MACF1: variants seen among roughly 807,000 people sequenced by gnomAD.
MACF1 encodes microtubule-actin cross-linking factor 1.
MACF1 carries 193 observed loss-of-function variants against 854.8 expected under a neutral mutation model. The observed-to-expected ratio is 0.23, with a 90% CI of 0.20 to 0.25. MACF1 has a LOEUF of 0.25. Ranked by LOEUF, MACF1 falls within the 10% of genes least tolerant of loss-of-function variation. The pLI is 1.00. For missense variants in MACF1, 7,722 were observed against 8,929.1 expected (o/e 0.86, Z 5.45); for synonymous variants, 3,185 against 3,226.7 (o/e 0.99, Z 0.44).
At position 39,487,041 on chromosome 1, in the gene MACF1, C is replaced by G. The variant is rs1265056629; in HGVS notation, c.*1247C>G. 6.6e-6 allele frequency: 1 copy of G among 152,446 alleles called. No homozygotes were observed. Among genetic ancestry groups the G allele is most frequent in the Non-Finnish European group, 1.5e-5 (1 of 68,052 alleles). 9.4% of individuals were successfully genotyped at this position (152,446 alleles called of 1,614,324 possible). A position where few individuals can be genotyped will look rare whatever the true frequency, so the allele number is the denominator to read the frequency against. ...TATTACCTTATCTATAAATGTTACC[C>G]TGGGGTATAATCATGTTGTAGGTAC... is the stretch of plus-strand genomic sequence containing the variant. On this transcript the variant is annotated 3_prime_UTR_variant, in exon 101 of 101. Coordinates refer to ENST00000564288, the MANE Select transcript of MACF1 (RefSeq NM_001394062.1).
chr1:39,406,145 G>C (rs767337560), intron 58 of MACF1, among the ~76,000 whole-genome samples: 1 of 152,184 alleles, frequency 6.6e-6, no homozygotes, highest in Non-Finnish European at 1.5e-5. Flanking sequence ...TTTTGGAGGT[G>C]CGGTGGGAGG....
chr1:39,260,345 A>T (rs1379442503), intron 6 of MACF1: 1 of 149,188 alleles, frequency 6.7e-6, no homozygotes. Context: ...TAGGTTGCCC[A>T]TTATTTCTTT....
Position 39,295,824 on chromosome 1 carries a change from T to C in MACF1, c.2297T>C (p.Met766Thr). The C allele has an allele frequency of 6.2e-7, 1 of 1,614,134 alleles. No individual in the cohort carries two copies. Among genetic ancestry groups the C allele is most frequent in the Non-Finnish European group, 8.5e-7 (1 of 1,180,002 alleles). Residue 766 changes from methionine (M) to threonine (T), a missense_variant, in exon 20 of 101, where the codon ATG becomes ACG. Physicochemically the swap from Met to Thr is moderately conservative, Grantham distance 81. Coordinates refer to ENST00000564288, the MANE Select transcript of MACF1 (RefSeq NM_001394062.1). Reference sequence around the variant, plus strand: ...GCTGTCCAGTCCCAGTTGCAGTGGATGAAGCAGCTGTGCCTGTGTGTTGAG... The same window carrying C: ...GCTGTCCAGTCCCAGTTGCAGTGGACGAAGCAGCTGTGCCTGTGTGTTGAG... Reference protein sequence around the residue: ...SAAVQSQLQWMKQLCLCVEQH... With the variant: ...SAAVQSQLQWTKQLCLCVEQH...
intron 6 of MACF1, chr1:39,268,342 T>G: frequency 1.7e-6 from 1 of 576,016 alleles, no homozygotes; most frequent in Non-Finnish European, 2.2e-6. Context: ...TCTAGCTCCT[T>G]TTTGCTTTCT....
chr1:39,434,923 T>G (rs944850054), intron 69 of MACF1, among the ~76,000 whole-genome samples: 3 of 152,196 alleles, frequency 2.0e-5, no homozygotes, highest in African/African-American at 7.2e-5. Flanking sequence ...TAATAGGGTG[T>G]TGTTACACTC....
intron 50 of MACF1, among the ~76,000 whole-genome samples, chr1:39,369,276 G>A (rs1569749089): frequency 6.6e-6 from 1 of 152,164 alleles, no homozygotes; most frequent in South Asian, 2.1e-4. Flanking sequence ...TCACTGGACA[G>A]CCTCACATAG....
chr1:39,432,942 T>C, intron 67 of MACF1, 106 bp from the exon 68 acceptor site: 1 of 720,606 alleles, frequency 1.4e-6, no homozygotes, highest in South Asian at 2.2e-5. Context: ...TGTCAAACTG[T>C]ATAAGAACAA....
In MACF1 at chr1:39,084,305, G is replaced by A. The variant is rs768222655; in HGVS notation, c.87G>A (p.Glu29=). The A allele has an allele frequency of 6.2e-7, 1 of 1,614,056 alleles. No homozygotes were observed. The highest frequency in any genetic ancestry group is 1.7e-5 in the Admixed American group (1 of 60,018). Residue 29 remains glutamate, a synonymous_variant, in exon 2 of 94, where the codon GAG becomes GAA. Transcript: ENST00000361689. The surrounding 1 kb of genome is among the most constrained non-coding windows in gnomAD (Gnocchi z 5.2). ...GGAGTGAGCGATCTTACAGGAGCGAGCGGTCGGGGAGCCTGTCTCCCTGTC... is the reference window on the plus strand; with the variant it reads ...GGAGTGAGCGATCTTACAGGAGCGAACGGTCGGGGAGCCTGTCTCCCTGTC...
At position 39,337,327 on chromosome 1, in the gene MACF1, C is replaced by T. The variant is rs1462949969; in HGVS notation, c.10211C>T (p.Ala3404Val). The change falls in exon 38 of 101, where the codon GCC (alanine) becomes GTC (valine). Residue 3404 changes from alanine to valine, a missense_variant. By Grantham distance (64) the Ala-to-Val change is moderately conservative. Coordinates refer to ENST00000564288, the MANE Select transcript of MACF1 (RefSeq NM_001394062.1). ...GAACTACAGGATCTGCTGTGTCAGGCCAAGGTAGGTTCCCAGAGACTTCCA... is the reference window on the plus strand; with the variant it reads ...GAACTACAGGATCTGCTGTGTCAGGTCAAGGTAGGTTCCCAGAGACTTCCA... The part of the protein sequence containing the change: ...LAELQDLLCQ[A>V]KVLERELKDL... 6.2e-7 allele frequency: 1 copy of T among 1,613,310 alleles called. No individual in the cohort carries two copies. The highest frequency in any genetic ancestry group is 1.7e-5 in the Admixed American group (1 of 59,860).
chr1:39,236,628 AAGAG>A (rs1218821535), intron 2 of MACF1, among the ~76,000 whole-genome samples: 3 of 152,198 alleles, frequency 2.0e-5, no homozygotes, highest in African/African-American at 7.2e-5. Flanking sequence ...ACAAAGAAGA[AAGAG>A]AGAGAAGTAA....
intron 1 of MACF1, among the ~76,000 whole-genome samples, chr1:39,220,084 A>G (rs553002312): frequency 6.6e-6 from 1 of 152,218 alleles, no homozygotes; most frequent in South Asian, 2.1e-4. Flanking sequence ...TCTTGTAGCT[A>G]TAACCTTGAC....
chr1:39,195,229 C>T (rs1291995000), intron 2 of MACF1, among the ~76,000 whole-genome samples: 2 of 151,986 alleles, frequency 1.3e-5, no homozygotes, highest in Non-Finnish European at 2.9e-5. Context: ...GGCACTTGTT[C>T]TCGGTTGTAT....
chr1:39,419,492 C>T (rs974795235), intron 58 of MACF1, among the ~76,000 whole-genome samples: 95 of 151,246 alleles, frequency 6.3e-4, no homozygotes, highest in Non-Finnish European at 1.3e-3. Flanking sequence ...GATGCTCAAC[C>T]GGTAAGTATT....
intron 31 of MACF1, among the ~76,000 whole-genome samples, chr1:39,320,831 G>A (rs1331066979): frequency 2.6e-5 from 4 of 152,254 alleles, no homozygotes; most frequent in Non-Finnish European, 2.9e-5. Context: ...TTAGCTGGAT[G>A]TAGTGGTGTG....
Position 39,335,860 on chromosome 1 carries a change from G to C in MACF1, c.9272G>C (p.Arg3091Pro), listed in dbSNP as rs201272174. 6.2e-7 allele frequency: 1 copy of C among 1,614,046 alleles called. No homozygotes were observed. The highest frequency in any genetic ancestry group is 1.1e-5 in the South Asian group (1 of 91,064). The stretch of plus-strand genomic sequence containing the variant: ...TTAAAACCAGAAGAAAACTTATCTC[G>C]AGAAATTGCCTGTGGGGCCCAGAGT... ...LTLKPEENLS[R>P]EIACGAQSEP... The change falls in exon 37 of 101, where the codon CGA (arginine) becomes CCA (proline). Residue 3091 changes from arginine (R) to proline (P), a missense_variant. By Grantham distance (103) the Arg-to-Pro change is moderately radical (BLOSUM62 -2). Transcript: ENST00000564288.
At chr1:39,095,495 G>A (rs1641913988) in intron 2 of MACF1, among the ~76,000 whole-genome samples, 1 of 147,530 alleles carries the variant, frequency 6.8e-6, no homozygotes, top group South Asian at 2.2e-4. Context: ...CCCAGGAGGA[G>A]GAGGTTGCAG....
In MACF1 at chr1:39,340,861, T is replaced by G; in HGVS notation, c.10489T>G (p.Trp3497Gly). 2.5e-6 allele frequency: 4 copies of G among 1,614,060 alleles called. No homozygotes were observed. Among genetic ancestry groups the G allele is most frequent in the Non-Finnish European group, 3.4e-6 (4 of 1,180,004 alleles). Residue 3497 changes from tryptophan to glycine, a missense_variant, in exon 40 of 101, where the codon TGG becomes GGG. By Grantham distance (184) the Trp-to-Gly change is radical. Around this residue, in one of 15 missense-constraint regions of MACF1, gnomAD observed 854 missense variants for 852.6 expected, o/e 1.00. Transcript: ENST00000564288. ...LEGRLQDLRA[W>G]VGNKNLILNS... ...AGGCCGACTTCAAGATCTGAGAGCC[T>G]GGGTTGGCAATAAAAATCTTATTCT... is the stretch of plus-strand genomic sequence containing the variant.
At chr1:39,426,927 G>T (rs2148644648) in intron 61 of MACF1, among the ~76,000 whole-genome samples, 1 of 152,210 alleles carries the variant, frequency 6.6e-6, no homozygotes, top group East Asian at 1.9e-4. Context: ...GGGAGTTGGG[G>T]AGGGAGTTCT....
chr1:39,340,749 C>CA lies in MACF1; in HGVS notation c.10431+35dup, dbSNP rs1171308741. ...TTTTGCTTTTATTCATAAAGGCTCACAAAGTCTGGGTGGCTGGGAGATTTT... is the reference window on the plus strand; with the variant it reads ...TTTTGCTTTTATTCATAAAGGCTCACAAAAGTCTGGGTGGCTGGGAGATTTT... On this transcript the variant is annotated intron_variant, in intron 39 of 100. Transcript: ENST00000564288. The CA allele has an allele frequency of 4.3e-6, 7 of 1,612,710 alleles. No individual in the cohort carries two copies. In the East Asian group the frequency reaches 1.3e-4, roughly 31 times the overall value.
Sources: gnomAD v4.1 joint callset for allele counts (sites outside exome capture counted in the v4.1 genomes callset) on GRCh38, gnomAD v4.1.1 for gene constraint, gnomAD v4.1.1 regional missense constraint, Gnocchi (gnomAD v3.1) non-coding constraint, MANE v1.5 for transcripts, NCBI Gene and HGNC (gene_info 2026-07-23, HGNC 2026-07-21) for gene names.